The following CEP128 variants were observed in gnomAD, a reference collection of about 807,000 sequenced individuals.
CEP128 encodes the protein centrosomal protein 128kDa.
Under a neutral mutation model 156.7 loss-of-function variants are expected in CEP128, and 132 were observed. The ratio of observed to expected loss-of-function variants is 0.84; its 90% confidence interval spans 0.73 to 0.97. The LOEUF (loss-of-function observed/expected upper bound fraction) is 0.97. Among genes scored for constraint, CEP128 ranks in the 50% least tolerant of loss-of-function variants. CEP128 has a pLI of 0.00. For missense variants in CEP128, 1,252 were observed against 1,281.9 expected (o/e 0.98, Z 0.36); for synonymous variants, 469 against 448.9 (o/e 1.04, Z -0.57).
rs369851465 is a variant in CEP128, at chr14:80,757,843, C to A, written c.2554-892G>T. The stretch of plus-strand genomic sequence containing the variant: ...TGCTGAAAGCATAATGAGTGCCCAC[C>A]ACATATCACATATGTGAATATTGTA... On this transcript the variant is annotated intron_variant, in intron 17 of 24. Coordinates refer to ENST00000555265, the MANE Select transcript of CEP128 (RefSeq NM_152446.5). Among the ~76,000 whole-genome samples, 35 of 152,316 alleles carry A rather than the reference C, an allele frequency of 2.3e-4. 1 individual carries two copies. The East Asian group carries it at 5.8e-3, about 25-fold the overall frequency.
At chr14:80,822,688 GA>G in intron 13 of CEP128, 15 of 815,534 alleles carry the variant, frequency 1.8e-5, no homozygotes, top group Non-Finnish European at 2.6e-5. Flanking sequence ...TACCCAAAGG[GA>G]AAAAGGGAAA....
chr14:80,746,948 G>A (rs1339531862), intron 18 of CEP128, among the ~76,000 whole-genome samples: 2 of 152,130 alleles, frequency 1.3e-5, no homozygotes, highest in African/African-American at 2.4e-5. Context: ...CTCCAACGAA[G>A]ATATATAAAT....
intron 13 of CEP128, among the ~76,000 whole-genome samples, chr14:80,816,815 T>A (rs1041095951): frequency 1.3e-5 from 2 of 151,910 alleles, no homozygotes; most frequent in African/African-American, 4.8e-5. Flanking sequence ...GTGGATCAGC[T>A]AACAAAAAAA....
chr14:80,497,610 T>C (rs752663120), intron 24 of CEP128, 28 bp from the exon 25 acceptor site: 4 of 1,467,014 alleles, frequency 2.7e-6, no homozygotes, highest in Non-Finnish European at 3.8e-6. Context: ...AAAAGAAAAA[T>C]AAACCTAGGT....
chr14:80,573,000 G>A (rs762632103), intron 20 of CEP128, among the ~76,000 whole-genome samples: 6 of 152,016 alleles, frequency 3.9e-5, no homozygotes, highest in Non-Finnish European at 7.4e-5. Context: ...TCGGCTCACC[G>A]CAACCTCTGC....
rs372558376 is a variant in CEP128, at chr14:80,872,937, A to G, written c.646-10064T>C. On this transcript the variant is annotated intron_variant, in intron 8 of 24. Transcript: ENST00000555265. Reference sequence around the variant, plus strand: ...GTTTCACTTTGGACATTTTTTTCTTAATCAGGACTATACACACCCATAAGA... The same window carrying G: ...GTTTCACTTTGGACATTTTTTTCTTGATCAGGACTATACACACCCATAAGA... Among the ~76,000 whole-genome samples the G allele has an allele frequency of 1.1e-3, 161 of 152,264 alleles. 3 individuals are homozygous for G. The South Asian group carries it at 0.032, about 30-fold the overall frequency.
chr14:80,761,439 T>C lies in CEP128; in HGVS notation c.2551A>G (p.Lys851Glu). Residue 851 changes from lysine to glutamate, a missense_variant and splice_region_variant, in exon 17 of 25, where the codon AAA (lysine) becomes GAA (glutamate). By Grantham distance (56) the Lys-to-Glu change is moderately conservative. Coordinates refer to ENST00000555265, the MANE Select transcript of CEP128 (RefSeq NM_152446.5). The stretch of plus-strand genomic sequence containing the variant: ...GTGCAATGAGAATTCATAATTACTT[T>C]TAATTTCTCCACTGAGTCCTTGGAG... ...TFSKDSVEKL[K>E]VFSSGPDIHY... 1 of 1,589,282 alleles carries C rather than the reference T, an allele frequency of 6.3e-7. No individual in the cohort carries two copies. The highest frequency in any genetic ancestry group is 1.1e-5 in the South Asian group (1 of 87,750).
At chr14:80,581,503 T>C (rs1318909213) in intron 19 of CEP128, among the ~76,000 whole-genome samples, 1 of 152,176 alleles carries the variant, frequency 6.6e-6, no homozygotes, top group African/African-American at 2.4e-5. Flanking sequence ...TCAGGAGACC[T>C]GGCAGATGAC....
chr14:80,562,823 G>C (rs369189486), intron 20 of CEP128, among the ~76,000 whole-genome samples: 6 of 151,606 alleles, frequency 4.0e-5, no homozygotes, highest in Admixed American at 3.3e-4. Flanking sequence ...ACCACACCCA[G>C]CTAATTTTTT....
intron 19 of CEP128, among the ~76,000 whole-genome samples, chr14:80,628,331 T>C (rs1466633373): frequency 1.3e-5 from 2 of 152,206 alleles, no homozygotes; most frequent in Admixed American, 6.5e-5. Flanking sequence ...AACACTACTG[T>C]ACATTTTATT....
chr14:80,834,819 T>C (rs1256696809), intron 12 of CEP128, among the ~76,000 whole-genome samples: 1 of 152,196 alleles, frequency 6.6e-6, no homozygotes, highest in Non-Finnish European at 1.5e-5. Flanking sequence ...AAATGATACT[T>C]AAATTATATC....
At chr14:80,955,628 T>C in intron 2 of CEP128, 3 of 1,609,754 alleles carry the variant, frequency 1.9e-6, no homozygotes, top group Non-Finnish European at 2.5e-6. Context: ...GGTGCAGAGC[T>C]GAGAATGAGG....
intron 14 of CEP128, among the ~76,000 whole-genome samples, chr14:80,787,307 T>C (rs1901460615): frequency 6.6e-6 from 1 of 152,172 alleles, no homozygotes; most frequent in African/African-American, 2.4e-5. Context: ...GGGTCCCCAT[T>C]TCCTTGCTAG....
At position 80,528,659 on chromosome 14, in the gene CEP128, G is replaced by A. The variant is rs188012298; in HGVS notation, c.2959-1677C>T. On this transcript the variant is annotated intron_variant, in intron 22 of 24. Coordinates refer to ENST00000555265, the MANE Select transcript of CEP128 (RefSeq NM_152446.5). ...GTCAGGCCTATCTAAATAAGATGAG[G>A]TCCGTACTCACACTTAAAAGTCATA... 8.4e-3 allele frequency among the ~76,000 whole-genome samples: 1,285 copies of A among 152,234 alleles called. 3 individuals are homozygous for A. The highest frequency in any genetic ancestry group is 0.014 in the Non-Finnish European group (937 of 68,014).
intron 21 of CEP128, among the ~76,000 whole-genome samples, chr14:80,547,533 G>T (rs896956495): frequency 1.3e-5 from 2 of 152,138 alleles, no homozygotes; most frequent in South Asian, 2.1e-4. Context: ...CTTGAATAGG[G>T]TGAGGGGTAT....
chr14:80,838,385 C>G, intron 10 of CEP128, 107 bp from the exon 11 acceptor site: 1 of 701,122 alleles, frequency 1.4e-6, no homozygotes, highest in Non-Finnish European at 2.5e-6. Flanking sequence ...TTTCAGAAGA[C>G]ATTTACAGCT....
rs186283961 is a variant in CEP128 at position 80,591,139 on chromosome 14, T to C, written c.2807-10716A>G. Among the ~76,000 whole-genome samples the C allele has an allele frequency of 5.7e-3, 865 of 152,172 alleles. 6 individuals carry two copies. Among genetic ancestry groups the C allele is most frequent in the African/African-American group, 0.02 (825 of 41,500 alleles). ...AACAGCTAGCATCATAATGACAGGA[T>C]CAAATTCACACATAACAATATTAAC... On this transcript the variant is annotated intron_variant, in intron 19 of 24. Transcript: ENST00000555265.
intron 2 of CEP128, among the ~76,000 whole-genome samples, chr14:80,951,006 GT>G (rs1336162830): frequency 6.6e-6 from 1 of 151,450 alleles, no homozygotes; most frequent in African/African-American, 2.4e-5. Flanking sequence ...ATGAAGCAAT[GT>G]TTTTAAAGTA....
chr14:80,888,214 G>A (rs769327419), intron 8 of CEP128, among the ~76,000 whole-genome samples: 1 of 152,138 alleles, frequency 6.6e-6, no homozygotes, highest in Non-Finnish European at 1.5e-5. Context: ...AGAGGAGCTG[G>A]TATCATTCCT....
Sources: gnomAD v4.1 joint callset for allele counts (sites outside exome capture counted in the v4.1 genomes callset) on GRCh38, gnomAD v4.1.1 for gene constraint, MANE v1.5 for transcripts, NCBI Gene and HGNC (gene_info 2026-07-23, HGNC 2026-07-21) for gene names.